DLG2: variants seen among roughly 807,000 people sequenced by gnomAD.
DLG2 encodes the protein disks large homolog 2.
DLG2 carries 45 observed loss-of-function variants against 132.5 expected under a neutral mutation model. The observed-to-expected ratio is 0.34, with a 90% CI of 0.27 to 0.44. The LOEUF (loss-of-function observed/expected upper bound fraction) is 0.44. DLG2 is among the 20% of genes least tolerant of loss of function. The pLI, the probability that DLG2 is intolerant of heterozygous loss-of-function variation, is 1.00. For missense variants in DLG2, 1,045 were observed against 1,196.9 expected (o/e 0.87, Z 1.87); for synonymous variants, 424 against 419.6 (o/e 1.01, Z -0.13).
At chr11:85,136,804 G>C (rs2076169967) in intron 5 of DLG2, among the ~76,000 whole-genome samples, 1 of 152,104 alleles carries the variant, frequency 6.6e-6, no homozygotes, top group Non-Finnish European at 1.5e-5. Flanking sequence ...TAAGCCCCTT[G>C]AGGGCAGATT....
At chr11:83,775,107 G>T (rs184883756) in intron 18 of DLG2, among the ~76,000 whole-genome samples, 1 of 151,982 alleles carries the variant, frequency 6.6e-6, no homozygotes, top group Non-Finnish European at 1.5e-5. Context: ...CGCTACTGTC[G>T]GACTCCGTTC....
chr11:84,160,820 G>A (rs2095530628), intron 9 of DLG2, among the ~76,000 whole-genome samples: 1 of 152,148 alleles, frequency 6.6e-6, no homozygotes, highest in Admixed American at 6.6e-5. Flanking sequence ...TGCCATGGGA[G>A]AATATACTAG....
chr11:84,803,657 A>G (rs1342882316), intron 6 of DLG2, among the ~76,000 whole-genome samples: 1 of 152,224 alleles, frequency 6.6e-6, no homozygotes, highest in Non-Finnish European at 1.5e-5. Flanking sequence ...TGAGGATATA[A>G]ATGTGCCTTT....
intron 7 of DLG2, among the ~76,000 whole-genome samples, chr11:84,318,866 G>A (rs1290541983): frequency 6.6e-6 from 1 of 152,090 alleles, no homozygotes; most frequent in Non-Finnish European, 1.5e-5. Context: ...AAAACAGGCA[G>A]TAAATACATA....
At chr11:84,337,446 T>A (rs2098491464) in intron 7 of DLG2, among the ~76,000 whole-genome samples, 1 of 152,234 alleles carries the variant, frequency 6.6e-6, no homozygotes, top group South Asian at 2.1e-4. Flanking sequence ...TTGTTAGAGA[T>A]GACAATTTTT....
chr11:84,964,695 T>C (rs1000050872), intron 6 of DLG2, among the ~76,000 whole-genome samples: 2 of 152,116 alleles, frequency 1.3e-5, no homozygotes, highest in East Asian at 1.9e-4. Flanking sequence ...ACTAAGTTTA[T>C]TGCACTTAGT....
At chr11:84,390,676 G>A (rs191612086) in intron 7 of DLG2, among the ~76,000 whole-genome samples, 2 of 152,322 alleles carry the variant, frequency 1.3e-5, no homozygotes, top group African/African-American at 4.8e-5. Flanking sequence ...TGGTCTTAGA[G>A]GCTGTGAGAA....
At chr11:85,558,904 G>GT (rs2077072216) in intron 3 of DLG2, among the ~76,000 whole-genome samples, 1 of 151,676 alleles carries the variant, frequency 6.6e-6, no homozygotes. Context: ...ATATACTCAG[G>GT]TAACAAACCT....
At chr11:83,873,374 C>A (rs1250805077) in intron 16 of DLG2, among the ~76,000 whole-genome samples, 1 of 152,096 alleles carries the variant, frequency 6.6e-6, no homozygotes, top group Non-Finnish European at 1.5e-5. Context: ...GTGGGAGGGA[C>A]CTGGTGGGAG....
intron 6 of DLG2, among the ~76,000 whole-genome samples, chr11:84,635,759 C>T (rs543949602): frequency 6.6e-6 from 1 of 152,038 alleles, no homozygotes; most frequent in East Asian, 1.9e-4. Context: ...GAAAGTAAAG[C>T]TGAGAGAAGT....
intron 2 of DLG2, among the ~76,000 whole-genome samples, chr11:85,620,956 G>C (rs2081650145): frequency 6.6e-6 from 1 of 152,188 alleles, no homozygotes; most frequent in South Asian, 2.1e-4. Flanking sequence ...GAAAATGCTA[G>C]AGAGAAATCA....
chr11:84,556,568 A>G (rs2099412340), intron 6 of DLG2, among the ~76,000 whole-genome samples: 2 of 152,168 alleles, frequency 1.3e-5, no homozygotes, highest in Non-Finnish European at 2.9e-5. Flanking sequence ...ATGTTATTCA[A>G]ATGTTTTTGC....
intron 6 of DLG2, among the ~76,000 whole-genome samples, chr11:84,960,318 T>C (rs1051095757): frequency 3.3e-5 from 5 of 152,254 alleles, no homozygotes; most frequent in South Asian, 2.1e-4. Context: ...AATAAAGGAA[T>C]ATTTAATGTC....
chr11:84,590,469 C>T (rs988929552), intron 6 of DLG2, among the ~76,000 whole-genome samples: 2 of 152,174 alleles, frequency 1.3e-5, no homozygotes, highest in Non-Finnish European at 2.9e-5. Flanking sequence ...TTGTAATAGG[C>T]AGGCACTCAA....
chr11:84,198,810 T>C (rs1022064378), intron 8 of DLG2, among the ~76,000 whole-genome samples: 3 of 152,202 alleles, frequency 2.0e-5, no homozygotes, highest in Non-Finnish European at 4.4e-5. Flanking sequence ...TTTGCACTCA[T>C]GGTAACACCA....
intron 3 of DLG2, among the ~76,000 whole-genome samples, chr11:85,415,621 T>A (rs977929344): frequency 4.6e-5 from 7 of 151,886 alleles, no homozygotes; most frequent in Non-Finnish European, 7.4e-5. Context: ...TGTTGATGAG[T>A]TTTTTTTCAT....
chr11:85,090,628 A>G (rs2068614484), intron 6 of DLG2, among the ~76,000 whole-genome samples: 1 of 152,136 alleles, frequency 6.6e-6, no homozygotes, highest in South Asian at 2.1e-4. Context: ...CTCCTCAACA[A>G]TATCTCATTA....
intron 6 of DLG2, among the ~76,000 whole-genome samples, chr11:84,889,086 A>G (rs2088856961): frequency 7.1e-6 from 1 of 141,580 alleles, no homozygotes; most frequent in Admixed American, 7.3e-5. Context: ...TTTCAGGAGG[A>G]AACCTCTGGA....
chr11:83,727,569 C>T (rs1252596082), intron 18 of DLG2, among the ~76,000 whole-genome samples: 1 of 152,142 alleles, frequency 6.6e-6, no homozygotes, highest in African/African-American at 2.4e-5. Context: ...CTCTTCCTTC[C>T]CAAAAGTTCC....
Sources: gnomAD v4.1 joint callset for allele counts (sites outside exome capture counted in the v4.1 genomes callset) on GRCh38, gnomAD v4.1.1 for gene constraint, MANE v1.5 for transcripts, NCBI Gene and HGNC (gene_info 2026-07-23, HGNC 2026-07-21) for gene names.